ZNF608: variants seen among roughly 807,000 people sequenced by gnomAD.
The protein encoded by ZNF608 is renal carcinoma antigen NY-REN-36.
ZNF608 carries 12 observed loss-of-function variants against 109.0 expected under a neutral mutation model. The observed-to-expected ratio is 0.11, with a 90% confidence interval of 0.07 to 0.18. The LOEUF is 0.18. Ranked by LOEUF, ZNF608 falls within the 10% of genes least tolerant of loss-of-function variation. ZNF608 has a pLI of 1.00. For synonymous variants in ZNF608, 732 were observed against 717.4 expected (o/e 1.02, Z -0.33); for missense variants, 1,707 against 1,879.3 (o/e 0.91, Z 1.70).
chr5:124,648,605 G>T lies in ZNF608; in HGVS notation c.1779C>A (p.Asp593Glu). Residue 593 changes from aspartate (D) to glutamate (E), a missense_variant, in exon 5 of 10, where the codon GAC becomes GAA. Asp to Glu is a conservative substitution (Grantham distance 45). Around this residue, in one of 7 missense-constraint regions of ZNF608, gnomAD observed 1,073 missense variants for 1,133.5 expected, o/e 0.95. Transcript: ENST00000513986. Reference sequence around the variant, plus strand: ...ATCCTTCCTCACAGTCCGAGATCTTGTCCTCACTGTCAGGCTCGAACTCCA... The same window carrying T: ...ATCCTTCCTCACAGTCCGAGATCTTTTCCTCACTGTCAGGCTCGAACTCCA... ...NKLEFEPDSE[D>E]KISDCEEGLS... 1.2e-6 allele frequency: 2 copies of T among 1,614,212 alleles called. No individual in the cohort carries two copies. The highest frequency in any genetic ancestry group is 1.7e-6 in the Non-Finnish European group (2 of 1,180,040).
At chr5:124,685,858 G>T (rs749760703) in intron 3 of ZNF608, among the ~76,000 whole-genome samples, 1 of 152,184 alleles carries the variant, frequency 6.6e-6, no homozygotes, top group East Asian at 1.9e-4. Flanking sequence ...GCAAGTCATA[G>T]ATTCCCCCAT....
At chr5:124,696,143 C>T (rs572257162) in intron 3 of ZNF608, among the ~76,000 whole-genome samples, 1 of 151,094 alleles carries the variant, frequency 6.6e-6, no homozygotes, top group African/African-American at 2.4e-5. Context: ...AAGATCATGC[C>T]ACTGCACTCC....
chr5:124,639,180 CTGCTGAGAGGCAACAAGG>C lies in ZNF608; in HGVS notation c.4467_4484del (p.Leu1490_Gln1495del). 1.2e-6 allele frequency: 2 copies of C among 1,614,202 alleles called. No homozygotes were observed. Among genetic ancestry groups the C allele is most frequent in the Non-Finnish European group, 1.7e-6 (2 of 1,180,028 alleles). ...CAGATGCAGATGCCTGGGCAGCCAC[CTGCTGAGAGGCAACAAGG>C]GCAGCAGAGGTCAAGCCTAATGGGG... On this transcript the variant is annotated inframe_deletion, in exon 9 of 10. Coordinates refer to ENST00000513986, the MANE Select transcript of ZNF608 (RefSeq NM_020747.3).
chr5:124,694,142 ATTTTTTTTTTTT>A (rs11320730), intron 3 of ZNF608, among the ~76,000 whole-genome samples: 6 of 63,938 alleles, frequency 9.4e-5, no homozygotes, highest in Admixed American at 2.7e-4. Flanking sequence ...CGCTCGGCTA[ATTTTTTTTTTTT>A]TTTTTTTTTT....
Position 124,744,290 on chromosome 5 carries a change from G to GC in ZNF608, c.699dup (p.His234AlafsTer34), listed in dbSNP as rs780943893. ...CTCTTGGCCCCAAAGCCATAGAGGT[G>GC]CCCCCCGGAAGGGGCCTGGCTGCCA... On this transcript the variant is annotated frameshift_variant, in exon 2 of 10. Transcript: ENST00000513986. LOFTEE classifies it high-confidence loss of function. This position sits in a 1 kb window ranked among gnomAD's most constrained non-coding sequence, Gnocchi z 4.5. The GC allele has an allele frequency of 1.2e-6, 2 of 1,613,830 alleles. No homozygotes were observed.
chr5:124,726,416 T>C (rs1251796393), intron 2 of ZNF608, among the ~76,000 whole-genome samples: 1 of 152,068 alleles, frequency 6.6e-6, no homozygotes, highest in Non-Finnish European at 1.5e-5. Context: ...CTTGATTCCA[T>C]CCACCTCCAA....
At chr5:124,681,875 G>T (rs1752209561) in intron 3 of ZNF608, among the ~76,000 whole-genome samples, 1 of 152,156 alleles carries the variant, frequency 6.6e-6, no homozygotes, top group Non-Finnish European at 1.5e-5. Flanking sequence ...GAAGGACATT[G>T]GACTCCTCGG....
At chr5:124,731,904 T>C (rs1748927147) in intron 2 of ZNF608, among the ~76,000 whole-genome samples, 1 of 151,996 alleles carries the variant, frequency 6.6e-6, no homozygotes, top group Non-Finnish European at 1.5e-5. Context: ...ATACGGAAAA[T>C]ATTAACAGGA....
intron 2 of ZNF608, among the ~76,000 whole-genome samples, chr5:124,714,001 C>T (rs1162186118): frequency 6.6e-6 from 1 of 152,176 alleles, no homozygotes; most frequent in East Asian, 1.9e-4. Flanking sequence ...CTAACTTAAG[C>T]AGTCATAACA....
At position 124,744,950 on chromosome 5, in the gene ZNF608, G is replaced by A. The variant is rs1006603415; in HGVS notation, c.40C>T (p.Pro14Ser). 2 of 1,613,656 alleles carry A rather than the reference G, an allele frequency of 1.2e-6. No individual in the cohort carries two copies. Among genetic ancestry groups the A allele is most frequent in the Admixed American group, 1.7e-5 (1 of 60,002 alleles). The change falls in exon 2 of 10, where the codon CCA (proline) becomes TCA (serine). Residue 14 changes from proline (P) to serine (S), a missense_variant. Transcript: ENST00000513986. The surrounding 1 kb of genome is among the most constrained non-coding windows in gnomAD (Gnocchi z 4.5). ...NISTAGKGVD[P>S]NTVDTYDSGD... is the part of the protein sequence containing the mutation. ...CTGTCATAAGTATCAACTGTATTTG[G>A]ATCCACACCTTTTCCTGCAGTAGAA...
At chr5:124,639,335 G>A (rs1049984425) in intron 8 of ZNF608, 121 bp from the exon 9 acceptor site, 3 of 764,334 alleles carry the variant, frequency 3.9e-6, no homozygotes, top group African/African-American at 3.5e-5. Flanking sequence ...ACACACACAT[G>A]AACTGTTTCA....
intron 2 of ZNF608, among the ~76,000 whole-genome samples, chr5:124,731,353 G>A (rs1235246875): frequency 6.6e-6 from 1 of 152,082 alleles, no homozygotes; most frequent in Non-Finnish European, 1.5e-5. Context: ...TGGGGTTATA[G>A]GTGCGAACCA....
rs116088516 is a variant in ZNF608 at position 124,706,264 on chromosome 5, G to A, written c.907-4995C>T. Reference sequence around the variant, plus strand: ...GAATCAGTGCCTTCATCTGTAAAACGGAAATAACATCTGGCTCATGTGACT... The same window carrying A: ...GAATCAGTGCCTTCATCTGTAAAACAGAAATAACATCTGGCTCATGTGACT... On this transcript the variant is annotated intron_variant, in intron 2 of 9. Transcript: ENST00000513986. 2.8e-3 allele frequency among the ~76,000 whole-genome samples: 433 copies of A among 152,224 alleles called. 5 individuals carry two copies. Among genetic ancestry groups the A allele is most frequent in the African/African-American group, 9.9e-3 (411 of 41,538 alleles).
chr5:124,703,467 C>T (rs552848697), intron 2 of ZNF608, among the ~76,000 whole-genome samples: 65 of 152,116 alleles, frequency 4.3e-4, no homozygotes, highest in Non-Finnish European at 1.0e-4. Flanking sequence ...TTTTCCTCAA[C>T]TAGAAAACAC....
At chr5:124,637,958 T>C (rs747416006) in intron 9 of ZNF608, 52 bp from the exon 10 acceptor site, 166 of 1,607,364 alleles carry the variant, frequency 1.0e-4, no homozygotes, top group Non-Finnish European at 1.3e-4. Context: ...ATTTTGTTTG[T>C]TTGTTTTTTG....
chr5:124,703,852 C>A (rs1290761911), intron 2 of ZNF608, among the ~76,000 whole-genome samples: 1 of 152,124 alleles, frequency 6.6e-6, no homozygotes, highest in Non-Finnish European at 1.5e-5. Context: ...AGCTTCTAGA[C>A]TAAATCCTTA....
At chr5:124,731,722 A>G (rs941417383) in intron 2 of ZNF608, among the ~76,000 whole-genome samples, 1 of 151,996 alleles carries the variant, frequency 6.6e-6, no homozygotes, top group African/African-American at 2.4e-5. Context: ...GATACTCGGG[A>G]GGCTGAGGCA....
At chr5:124,678,306 C>T (rs1421569040) in intron 3 of ZNF608, among the ~76,000 whole-genome samples, 1 of 152,198 alleles carries the variant, frequency 6.6e-6, no homozygotes, top group East Asian at 1.9e-4. Flanking sequence ...AAGGCCTCCA[C>T]TTTGGGACAA....
intron 2 of ZNF608, among the ~76,000 whole-genome samples, chr5:124,743,157 T>A (rs537507737): frequency 4.6e-5 from 7 of 152,272 alleles, no homozygotes; most frequent in African/African-American, 1.7e-4. Context: ...TATAGACTTG[T>A]ACAAAGAAGG....
Sources: gnomAD v4.1 joint callset for allele counts (sites outside exome capture counted in the v4.1 genomes callset) on GRCh38, gnomAD v4.1.1 for gene constraint, gnomAD v4.1.1 regional missense constraint, Gnocchi (gnomAD v3.1) non-coding constraint, MANE v1.5 for transcripts, NCBI Gene and HGNC (gene_info 2026-07-23, HGNC 2026-07-21) for gene names.